The following ZNF69 variants were observed in gnomAD, a reference collection of about 807,000 sequenced individuals.
ZNF69 encodes the protein ZNF3.
In ZNF69, 47 loss-of-function variants were observed where a neutral mutation model predicts 50.9. That is an observed-to-expected ratio of 0.92 (90% CI 0.73 to 1.18). The LOEUF is 1.18. ZNF69 is among the 50% of genes most tolerant of loss of function. ZNF69 has a pLI of 0.00. For missense variants in ZNF69, 717 were observed against 675.1 expected (o/e 1.06, Z -0.69); for synonymous variants, 216 against 223.1 (o/e 0.97, Z 0.29).
chr19:11,943,290 GGTTAGGT>G, the ZNF69 span, among the ~76,000 whole-genome samples: 31 of 152,248 alleles, frequency 2.0e-4, no homozygotes, highest in African/African-American at 7.2e-4. Context: ...GACAGCAATT[GGTTAGGT>G]TAAATTTTCC....
At chr19:11,961,030 G>C in the ZNF69 span, among the ~76,000 whole-genome samples, 1 of 152,170 alleles carries the variant, frequency 6.6e-6, no homozygotes, top group Non-Finnish European at 1.5e-5. Context: ...TGTAATCCCA[G>C]CACTTTGGGA....
At chr19:11,940,268 A>G in the ZNF69 span, among the ~76,000 whole-genome samples, 1 of 152,056 alleles carries the variant, frequency 6.6e-6, no homozygotes, top group African/African-American at 2.4e-5. Context: ...ATTTCAATGT[A>G]TTGTGTCCGG....
chr19:11,905,984 T>G lies in ZNF69; in HGVS notation c.1587T>G (p.Thr529=). ...SSFRYHERTH[T]GEKPYKCKQC... is the part of the protein sequence containing the mutation. ...TTCGATACCATGAAAGGACTCACACTGGAGAGAAACCCTATAAATGCAAGC... is the reference window on the plus strand; with the variant it reads ...TTCGATACCATGAAAGGACTCACACGGGAGAGAAACCCTATAAATGCAAGC... Residue 529 remains threonine (T), a synonymous_variant, in exon 4 of 4, where the codon ACT becomes ACG. Coordinates refer to ENST00000429654, the MANE Select transcript of ZNF69 (RefSeq NM_001364730.1). 6.2e-7 allele frequency: 1 copy of G among 1,614,134 alleles called. No individual in the cohort carries two copies. The highest frequency in any genetic ancestry group is 1.1e-5 in the South Asian group (1 of 91,086).
At chr19:11,976,555 C>CAAAAAA in the ZNF69 span, among the ~76,000 whole-genome samples, 1 of 73,824 alleles carries the variant, frequency 1.4e-5, no homozygotes. Context: ...GACTCTGTCT[C>CAAAAAA]AAAAAAAAAA....
the ZNF69 span, among the ~76,000 whole-genome samples, chr19:11,958,349 T>C: frequency 2.5e-3 from 385 of 152,230 alleles, 3 homozygotes; most frequent in African/African-American, 5.9e-3. Flanking sequence ...TGGCATCTGC[T>C]GAGTGGGGCT....
chr19:11,906,763 G>A (rs537854487), downstream of ZNF69, among the ~76,000 whole-genome samples: 9 of 152,302 alleles, frequency 5.9e-5, no homozygotes, highest in South Asian at 2.1e-4. Context: ...ACATCAGAGC[G>A]CCTCTTCTCC....
At chr19:11,891,590 G>A (rs1043015613) in intron 1 of ZNF69, among the ~76,000 whole-genome samples, 1 of 152,000 alleles carries the variant, frequency 6.6e-6, no homozygotes, top group African/African-American at 2.4e-5. Context: ...CCTGCATGGG[G>A]GCTGACAGCA....
the ZNF69 span, among the ~76,000 whole-genome samples, chr19:11,977,671 C>A: frequency 6.6e-6 from 1 of 152,088 alleles, no homozygotes; most frequent in Non-Finnish European, 1.5e-5. Context: ...ACAGCCTGGG[C>A]AACATAATGA....
At chr19:11,950,638 C>T in the ZNF69 span, 2 of 361,380 alleles carry the variant, frequency 5.5e-6, no homozygotes, top group Non-Finnish European at 1.1e-5. Context: ...TATGGGAAAG[C>T]CTTCAGATCT....
At chr19:11,915,175 A>G (rs1972510799), downstream of ZNF69, among the ~76,000 whole-genome samples, 1 of 152,218 alleles carries the variant, frequency 6.6e-6, no homozygotes, top group South Asian at 2.1e-4. Flanking sequence ...TGCACCCTGC[A>G]GCCTAGTCGA....
the ZNF69 span, among the ~76,000 whole-genome samples, chr19:11,954,850 C>T: frequency 1.3e-5 from 2 of 151,910 alleles, no homozygotes; most frequent in South Asian, 2.1e-4. Context: ...AAATTGTTCA[C>T]TTATTGCAGC....
In ZNF69 at chr19:11,906,471, C is replaced by T. The variant is rs1381853907; in HGVS notation, c.*373C>T. ...CATACGGCCGTGTGCCCCTCTGTGA[C>T]GAAGCTTCCAGAGGAAGGATCAGGC... On this transcript the variant is annotated 3_prime_UTR_variant, in exon 4 of 4. Transcript: ENST00000429654. Among the ~76,000 whole-genome samples, 1 of 152,164 alleles carries T rather than the reference C, an allele frequency of 6.6e-6. No homozygotes were observed. Among genetic ancestry groups the T allele is most frequent in the African/African-American group, 2.4e-5 (1 of 41,442 alleles).
intron 4 of ZNF69, among the ~76,000 whole-genome samples, chr19:11,911,801 C>G (rs1327803544): frequency 2.0e-5 from 3 of 151,944 alleles, no homozygotes; most frequent in African/African-American, 4.8e-5. Context: ...CACATGTACC[C>G]TAGAACTTAA....
At chr19:11,915,858 C>T (rs553317531), downstream of ZNF69, among the ~76,000 whole-genome samples, 1 of 152,062 alleles carries the variant, frequency 6.6e-6, no homozygotes, top group East Asian at 1.9e-4. Flanking sequence ...GTGCTGAGAT[C>T]GCGCCATTGC....
the ZNF69 span, among the ~76,000 whole-genome samples, chr19:11,969,854 G>A: frequency 2.0e-5 from 3 of 152,204 alleles, no homozygotes; most frequent in African/African-American, 7.2e-5. Context: ...TTATCAGGAT[G>A]TCTTTGGGAT....
At chr19:11,908,087 A>G (rs943144478), downstream of ZNF69, among the ~76,000 whole-genome samples, 4 of 152,252 alleles carry the variant, frequency 2.6e-5, no homozygotes, top group African/African-American at 9.6e-5. Context: ...GCCATTACAT[A>G]AAGGTAAAGG....
chr19:11,905,693 A>G lies in ZNF69; in HGVS notation c.1296A>G (p.Gln432=), dbSNP rs756752188. The change falls in exon 4 of 4, where the codon CAA becomes CAG. Residue 432 remains glutamine, a synonymous_variant. Coordinates refer to ENST00000429654, the MANE Select transcript of ZNF69 (RefSeq NM_001364730.1). ...CCTTCAGATCTTCCTCACACCTTCA[A>G]TTGCATGGTAGGACTCACACTGGAG... The part of the protein sequence containing the change: ...GKAFRSSSHL[Q]LHGRTHTGEK... The G allele has an allele frequency of 3.7e-6, 6 of 1,613,790 alleles. No individual in the cohort carries two copies. Among genetic ancestry groups the G allele is most frequent in the East Asian group, 2.2e-5 (1 of 44,848 alleles).
chr19:11,965,801 G>A, the ZNF69 span, among the ~76,000 whole-genome samples: 1 of 152,160 alleles, frequency 6.6e-6, no homozygotes, highest in Non-Finnish European at 1.5e-5. Flanking sequence ...GAGTGGTCCC[G>A]AGGCGGCTCA....
the ZNF69 span, among the ~76,000 whole-genome samples, chr19:11,957,776 C>T: frequency 3.3e-5 from 5 of 151,922 alleles, no homozygotes; most frequent in South Asian, 8.3e-4. Flanking sequence ...ACCAGGGAGG[C>T]GGAGGTTGCA....
Sources: allele counts gnomAD v4.1 joint callset (sites outside exome capture counted in the v4.1 genomes callset), GRCh38; gene constraint gnomAD v4.1.1; transcripts MANE v1.5; gene names NCBI Gene and HGNC (gene_info 2026-07-23, HGNC 2026-07-21).